The following TBC1D22A variants were observed in gnomAD, a reference collection of about 807,000 sequenced individuals.
The protein encoded by TBC1D22A is TBC1 domain family member 22A.
TBC1D22A carries 38 observed loss-of-function variants against 60.2 expected under a neutral mutation model. The ratio of observed to expected loss-of-function variants is 0.63; its 90% confidence interval spans 0.49 to 0.83. The LOEUF (loss-of-function observed/expected upper bound fraction) is 0.83. Ranked by LOEUF, TBC1D22A falls within the 40% of genes least tolerant of loss-of-function variation. The probability of loss-of-function intolerance (pLI) is 0.00; values close to 1 mark genes in which losing one functional copy is unlikely to be tolerated. For synonymous variants in TBC1D22A, 302 were observed against 281.7 expected, an observed-to-expected ratio of 1.07 and a Z score of -0.72; for missense variants, 628 against 701.0, an observed-to-expected ratio of 0.90 and a Z score of 1.18.
At chr22:47,159,643 A>C (rs2067890091) in intron 12 of TBC1D22A, among the ~76,000 whole-genome samples, 1 of 151,708 alleles carries the variant, frequency 6.6e-6, no homozygotes, top group Non-Finnish European at 1.5e-5. Flanking sequence ...CATGCACCAC[A>C]TACCACGTAT....
intron 11 of TBC1D22A, among the ~76,000 whole-genome samples, chr22:47,058,678 C>T (rs534789731): frequency 2.3e-4 from 35 of 152,228 alleles, no homozygotes; most frequent in African/African-American, 7.9e-4. Context: ...TCCAGGTGGA[C>T]AGGCTGGGTC....
At chr22:47,079,084 C>CATTTTTTT (rs1556117651) in intron 11 of TBC1D22A, among the ~76,000 whole-genome samples, 3 of 124,962 alleles carry the variant, frequency 2.4e-5, no homozygotes, top group Admixed American at 8.4e-5. Context: ...GTAGAGCAGA[C>CATTTTTTT]TTTTTTTTTT....
intron 8 of TBC1D22A, among the ~76,000 whole-genome samples, chr22:46,923,422 G>A (rs368582445): frequency 1.3e-5 from 2 of 152,366 alleles, no homozygotes; most frequent in African/African-American, 4.8e-5. Flanking sequence ...GTGGCAAGCA[G>A]TGTGAATCTG....
At chr22:46,912,932 ATCT>A (rs531305826) in intron 8 of TBC1D22A, among the ~76,000 whole-genome samples, 4 of 152,180 alleles carry the variant, frequency 2.6e-5, no homozygotes, top group Non-Finnish European at 5.9e-5. Flanking sequence ...TGAAAATCAA[ATCT>A]TCTTTAATTG....
chr22:46,858,970 T>C (rs930502385), intron 4 of TBC1D22A, among the ~76,000 whole-genome samples: 8 of 149,330 alleles, frequency 5.4e-5, no homozygotes, highest in Non-Finnish European at 1.1e-4. Context: ...TCCTTTTCGA[T>C]AGAGGTCTGT....
intron 8 of TBC1D22A, among the ~76,000 whole-genome samples, chr22:46,941,926 T>C (rs776621357): frequency 6.1e-4 from 59 of 97,486 alleles, no homozygotes; most frequent in Non-Finnish European, 1.1e-3. Flanking sequence ...TGTATATGTA[T>C]GTATGTATAC....
rs181480356 is a variant in TBC1D22A at position 46,782,515 on chromosome 22, G to A, written c.63-10005G>A. ...GGAGATACCACGTACATACCACACC[G>A]TTCGCCCATTTAAAGTGCTTGGTGT... On this transcript the variant is annotated intron_variant, in intron 1 of 12. Transcript: ENST00000337137. 8.3e-4 allele frequency among the ~76,000 whole-genome samples: 126 copies of A among 152,244 alleles called. 1 individual carries two copies. In the East Asian group the frequency reaches 0.016, roughly 20 times the overall value.
At chr22:47,162,203 T>C (rs79532827) in intron 12 of TBC1D22A, among the ~76,000 whole-genome samples, 1,513 of 83,970 alleles carry the variant, frequency 0.018, 13 homozygotes, top group Non-Finnish European at 0.024. Context: ...ATTTGAAAGG[T>C]TTTTTTTTTT....
At chr22:47,016,093 G>A (rs574254004) in intron 10 of TBC1D22A, among the ~76,000 whole-genome samples, 11 of 152,310 alleles carry the variant, frequency 7.2e-5, no homozygotes, top group Admixed American at 6.5e-5. Context: ...GTCCCGGCAC[G>A]CTTCCTGTGA....
At chr22:46,954,407 A>G (rs9616176) in intron 8 of TBC1D22A, among the ~76,000 whole-genome samples, 9,319 of 152,316 alleles carry the variant, frequency 0.061, 379 homozygotes, top group Non-Finnish European at 0.088. Flanking sequence ...TGTTGAATGA[A>G]CGAATTGGAT....
intron 4 of TBC1D22A, among the ~76,000 whole-genome samples, chr22:46,798,474 G>A (rs1302324005): frequency 1.3e-5 from 2 of 152,264 alleles, no homozygotes; most frequent in African/African-American, 2.4e-5. Flanking sequence ...CTTCCTGCGC[G>A]AGTTGCTTCC....
chr22:46,803,557 C>T (rs1569059590), intron 4 of TBC1D22A, among the ~76,000 whole-genome samples: 1 of 152,208 alleles, frequency 6.6e-6, no homozygotes, highest in African/African-American at 2.4e-5. Context: ...GCTGTCTTTG[C>T]AGCCTGGGCT....
chr22:46,958,642 C>T (rs1376529669), intron 8 of TBC1D22A, among the ~76,000 whole-genome samples: 3 of 152,202 alleles, frequency 2.0e-5, no homozygotes, highest in Non-Finnish European at 2.9e-5. Flanking sequence ...TGTAGCAGGG[C>T]GTCTCTAGCC....
intron 10 of TBC1D22A, among the ~76,000 whole-genome samples, chr22:47,027,425 C>T (rs2062293940): frequency 2.0e-5 from 3 of 152,010 alleles, no homozygotes; most frequent in African/African-American, 7.2e-5. Flanking sequence ...TTTTGGTGTA[C>T]CCATCTCCCG....
At chr22:46,897,650 G>GTTTTTTTTTTTTTTTTT (rs1569189591) in intron 7 of TBC1D22A, among the ~76,000 whole-genome samples, 1 of 92,618 alleles carries the variant, frequency 1.1e-5, no homozygotes, top group African/African-American at 4.7e-5. Flanking sequence ...GTTTTTTTTT[G>GTTTTTTTTTTTTTTTTT]TGTTTTTTTT....
intron 9 of TBC1D22A, among the ~76,000 whole-genome samples, chr22:46,996,926 C>T (rs1337169274): frequency 6.6e-6 from 1 of 152,196 alleles, no homozygotes; most frequent in Non-Finnish European, 1.5e-5. Flanking sequence ...TTATTACTCT[C>T]ATGTTATTGG....
intron 8 of TBC1D22A, among the ~76,000 whole-genome samples, chr22:46,932,641 G>A (rs530842464): frequency 1.2e-3 from 189 of 152,036 alleles, no homozygotes; most frequent in African/African-American, 4.4e-3. Context: ...GGGCGATCGC[G>A]GTGGAGATGA....
At chr22:46,811,909 G>A (rs543761209) in intron 4 of TBC1D22A, among the ~76,000 whole-genome samples, 367 of 152,228 alleles carry the variant, frequency 2.4e-3, no homozygotes, top group African/African-American at 8.3e-3. Context: ...CTGAGATCCC[G>A]TGCTCAGATC....
chr22:46,998,801 A>G (rs1247033832), intron 10 of TBC1D22A, among the ~76,000 whole-genome samples: 1 of 152,252 alleles, frequency 6.6e-6, no homozygotes, highest in Non-Finnish European at 1.5e-5. Flanking sequence ...TAATACTTTC[A>G]GTGTTACGTT....
Sources: allele counts gnomAD v4.1 joint callset (sites outside exome capture counted in the v4.1 genomes callset), GRCh38; gene constraint gnomAD v4.1.1; transcripts MANE v1.5; gene names NCBI Gene and HGNC (gene_info 2026-07-23, HGNC 2026-07-21).